Variants in EIF4A3 observed in about 807,000 individuals in gnomAD.
EIF4A3 encodes the protein eukaryotic translation initiation factor 4A3, also known as eukaryotic initiation factor 4A-III.
EIF4A3 carries 1 observed loss-of-function variant against 55.6 expected under a neutral mutation model. The observed-to-expected ratio is 0.02, with a 90% CI of 0.01 to 0.09. The LOEUF is 0.09. EIF4A3 is among the 10% of genes least tolerant of loss of function. EIF4A3 has a pLI of 1.00. For missense variants in EIF4A3, 221 were observed against 540.7 expected, an observed-to-expected ratio of 0.41 and a Z score of 5.86; for synonymous variants, 194 against 196.3, an observed-to-expected ratio of 0.99 and a Z score of 0.10.
intron 9 of EIF4A3, chr17:80,136,810 G>GAAAA (rs3035988): frequency 0.092 from 12,249 of 132,454 alleles, 643 homozygotes; most frequent in African/African-American, 0.11. Flanking sequence ...TACTAAAAAT[G>GAAAA]AAAAAAAAAA....
At chr17:80,142,095 G>A (rs1331827216) in intron 2 of EIF4A3, among the ~76,000 whole-genome samples, 1 of 152,236 alleles carries the variant, frequency 6.6e-6, no homozygotes, top group Non-Finnish European at 1.5e-5. Context: ...CTAACTTCAA[G>A]AGGTGTTTCA....
At chr17:80,144,022 A>T (rs1421057652) in intron 2 of EIF4A3, 150 bp downstream of exon 2, 36 of 723,122 alleles carry the variant, frequency 5.0e-5, no homozygotes, top group Non-Finnish European at 1.9e-5. Flanking sequence ...ACACAAATTT[A>T]AAAAAGTATT....
chr17:80,140,718 C>T (rs896359249), intron 4 of EIF4A3, among the ~76,000 whole-genome samples: 1 of 152,090 alleles, frequency 6.6e-6, no homozygotes, highest in Non-Finnish European at 1.5e-5. Context: ...TCCCATCCAC[C>T]GAAGAAACCA....
chr17:80,137,622 A>G, intron 8 of EIF4A3, 121 bp from the exon 9 acceptor site: 1 of 757,172 alleles, frequency 1.3e-6, no homozygotes, highest in Non-Finnish European at 2.1e-6. Flanking sequence ...ACTGCTCTTA[A>G]AACTCAGAAT....
chr17:80,147,050 CCGCTGCCGACCTCGCTGT>C lies in EIF4A3; in HGVS notation c.-107_-90del, dbSNP rs1376484559. The C allele has an allele frequency of 5.0e-5, 61 of 1,220,838 alleles. 1 individual carries two copies. The East Asian group carries it at 5.5e-4, about 11-fold the overall frequency. 75.6% of individuals were successfully genotyped at this position (1,220,838 alleles called of 1,614,324 possible). A position where few individuals can be genotyped will look rare whatever the true frequency, so the allele number is the denominator to read the frequency against. On this transcript the variant is annotated 5_prime_UTR_variant, in exon 1 of 12. Transcript: ENST00000649764. ...CGCTGTGCCGCTGCCGACCTCGCTG[CCGCTGCCGACCTCGCTGT>C]GCCGCTGCCGACCTCGCTGTGCCGC... is the stretch of plus-strand genomic sequence containing the variant.
Position 80,146,943 on chromosome 17 carries a change from T to C in EIF4A3, c.19A>G (p.Met7Val), listed in dbSNP as rs1425871135. The C allele has an allele frequency of 1.9e-6, 3 of 1,607,442 alleles. No individual in the cohort carries two copies. The highest frequency in any genetic ancestry group is 1.7e-5 in the Admixed American group (1 of 59,832). Residue 7 changes from methionine (M) to valine (V), a missense_variant, in exon 1 of 12, where the codon ATG (methionine) becomes GTG (valine). This residue lies in a region of EIF4A3 where 43 missense variants were observed against 39.1 expected (regional missense o/e 1.10). Coordinates refer to ENST00000649764, the MANE Select transcript of EIF4A3 (RefSeq NM_014740.4). ...TTTCGCGCCGAGCCCGAGGTCGCCA[T>C]CGTGGCCGTGGTCGCCATGATTCAG... MATTAT[M>V]ATSGSARKRL...
Position 80,136,056 on chromosome 17 carries a change from G to C in EIF4A3, c.1167C>G (p.Leu389=). 4 of 1,614,168 alleles carry C rather than the reference G, an allele frequency of 2.5e-6. No homozygotes were observed. Among genetic ancestry groups the C allele is most frequent in the Non-Finnish European group, 3.4e-6 (4 of 1,180,040 alleles). ...TGGAATAGTACTGCTCGATATCTCTGAGGATGCGGATGTCGTCATTCTTTA... is the reference window on the plus strand; with the variant it reads ...TGGAATAGTACTGCTCGATATCTCTCAGGATGCGGATGTCGTCATTCTTTA... ...NFVKNDDIRI[L]RDIEQYYSTQ... is the part of the protein sequence containing the mutation. The change falls in exon 11 of 12, where the codon CTC becomes CTG. Residue 389 remains leucine (L), a synonymous_variant. Coordinates refer to ENST00000649764, the MANE Select transcript of EIF4A3 (RefSeq NM_014740.4).
At chr17:80,136,663 A>C (rs1261747461) in intron 9 of EIF4A3, 1 of 283,578 alleles carries the variant, frequency 3.5e-6, no homozygotes, top group Non-Finnish European at 6.6e-6. Context: ...CTAGCAAAAA[A>C]TTAAAAACGG....
Position 80,139,101 on chromosome 17 carries a change from G to C in EIF4A3, c.648C>G (p.Leu216=). Residue 216 remains leucine (L), a synonymous_variant, in exon 7 of 12, where the codon CTC becomes CTG. Transcript: ENST00000649764. ...TCTCGTGTGGCAGCGTGGCACTGATGAGAACCACCTGTGTGGCTGGAGGCA... is the reference window on the plus strand; with the variant it reads ...TCTCGTGTGGCAGCGTGGCACTGATCAGAACCACCTGTGTGGCTGGAGGCA... ...RYLPPATQVV[L]ISATLPHEIL... 1 of 1,614,128 alleles carries C rather than the reference G, an allele frequency of 6.2e-7. No individual in the cohort carries two copies. The highest frequency in any genetic ancestry group is 8.5e-7 in the Non-Finnish European group (1 of 1,180,036).
intron 1 of EIF4A3, among the ~76,000 whole-genome samples, chr17:80,145,383 G>A (rs1430395288): frequency 2.0e-5 from 3 of 152,098 alleles, no homozygotes; most frequent in African/African-American, 7.2e-5. Context: ...GGGCAACATG[G>A]CAAAATCCCC....
chr17:80,139,989 TAGCGACAAA>T lies in EIF4A3; in HGVS notation c.505+10_505+18del, dbSNP rs1567849447. The T allele has an allele frequency of 6.2e-7, 1 of 1,606,722 alleles. No individual in the cohort carries two copies. Among genetic ancestry groups the T allele is most frequent in the Admixed American group, 1.7e-5 (1 of 58,672 alleles). ...CAAATACTACCGGCAGCACCATTTT[TAGCGACAAA>T]AGTGCTTACCAAAAACACGCCCTGG... On this transcript the variant is annotated intron_variant, in intron 5 of 11. Transcript: ENST00000649764.
intron 9 of EIF4A3, 35 bp downstream of exon 9, chr17:80,137,351 C>A (rs2039579265): frequency 1.3e-6 from 2 of 1,594,038 alleles, no homozygotes; most frequent in South Asian, 1.1e-5. Context: ...GTCTAGCAAA[C>A]CCTGACCTGC....
rs1344595462 is a variant in EIF4A3 at position 80,138,414 on chromosome 17, A to G, written c.729-134T>C. On this transcript the variant is annotated intron_variant, in intron 7 of 11. Transcript: ENST00000649764. ...TATCTGGTGCAGACCCAGCAGCCCC[A>G]GCCCTGTCCTCCATCCTATCACCAC... 5 of 1,025,540 alleles carry G rather than the reference A, an allele frequency of 4.9e-6. No homozygotes were observed. In the Admixed American group the frequency reaches 1.1e-4, roughly 22 times the overall value. The allele number at this position is 1,025,540 out of a possible 1,614,324, so 63.5% of individuals were successfully genotyped here.
At chr17:80,143,651 T>C (rs895632937) in intron 2 of EIF4A3, among the ~76,000 whole-genome samples, 1 of 152,206 alleles carries the variant, frequency 6.6e-6, no homozygotes. Context: ...CAATTCCACA[T>C]GCCAGCAAAC....
intron 5 of EIF4A3, 70 bp from the exon 6 acceptor site, chr17:80,139,820 G>A (rs1166744842): frequency 6.5e-7 from 1 of 1,541,984 alleles, no homozygotes; most frequent in African/African-American, 1.4e-5. Flanking sequence ...TCACACCTGA[G>A]GCTCCCAAGA....
chr17:80,141,530 T>C, intron 3 of EIF4A3, 149 bp from the exon 4 acceptor site: 2 of 942,826 alleles, frequency 2.1e-6, no homozygotes, highest in Admixed American at 5.1e-5. Flanking sequence ...GTCATTTAAA[T>C]TGCAAATCCA....
Position 80,137,373 on chromosome 17 carries a change from A to G in EIF4A3, c.983+13T>C, listed in dbSNP as rs543283364. 23 of 1,611,502 alleles carry G rather than the reference A, an allele frequency of 1.4e-5. No individual in the cohort carries two copies. In the Admixed American group the frequency reaches 3.8e-4, roughly 27 times the overall value. Reference sequence around the variant, plus strand: ...AAACCCTGACCTGCAGAGCCACAGCATAGCAGACCCACCTGGCGCCCGACC... The same window carrying G: ...AAACCCTGACCTGCAGAGCCACAGCGTAGCAGACCCACCTGGCGCCCGACC... On this transcript the variant is annotated intron_variant, in intron 9 of 11. Transcript: ENST00000649764.
chr17:80,144,341 A>G (rs1414774841), intron 1 of EIF4A3, 97 bp from the exon 2 acceptor site: 6 of 1,122,518 alleles, frequency 5.3e-6, no homozygotes, highest in Non-Finnish European at 6.6e-6. Flanking sequence ...TGTTTTTTGA[A>G]CCTGTCCTCC....
rs1268763024 is a variant in EIF4A3 at position 80,139,743 on chromosome 17, A to T, written c.513T>A (p.Ile171=). The T allele has an allele frequency of 3.7e-6, 6 of 1,613,116 alleles. No homozygotes were observed. In the African/African-American group the frequency reaches 8.0e-5, roughly 22 times the overall value. Residue 171 remains isoleucine (I), a synonymous_variant, in exon 6 of 12, where the codon ATT becomes ATA. Coordinates refer to ENST00000649764, the MANE Select transcript of EIF4A3 (RefSeq NM_014740.4). ...AGTPGRVFDM[I]RRRSLRTRAI... The stretch of plus-strand genomic sequence containing the variant: ...CACGTGTCCTTAGGCTTCTGCGACG[A>T]ATCATATCTATAACATGAGATTTTG...
Sources: gnomAD v4.1 joint callset for allele counts (sites outside exome capture counted in the v4.1 genomes callset) on GRCh38, gnomAD v4.1.1 for gene constraint, gnomAD v4.1.1 regional missense constraint, MANE v1.5 for transcripts, NCBI Gene and HGNC (gene_info 2026-07-23, HGNC 2026-07-21) for gene names.